PIEZO2: variants seen among roughly 807,000 people sequenced by gnomAD.
PIEZO2 encodes the protein piezo type mechanosensitive ion channel component 2, also known as piezo-type mechanosensitive ion channel component 2.
A neutral mutation model predicts 337.3 loss-of-function variants in PIEZO2; 172 were observed. The ratio of observed to expected loss-of-function variants is 0.51; its 90% CI spans 0.45 to 0.58. The LOEUF (loss-of-function observed/expected upper bound fraction) is 0.58. Among genes scored for constraint, PIEZO2 ranks in the 20% least tolerant of loss-of-function variants. The probability of loss-of-function intolerance (pLI) is 0.00; values close to 1 mark genes in which losing one functional copy is unlikely to be tolerated. For synonymous variants in PIEZO2, 1,251 were observed against 1,228.5 expected (o/e 1.02, Z -0.38); for missense variants, 3,028 against 3,391.3 (o/e 0.89, Z 2.66).
At chr18:10,971,314 T>C (rs1256457904) in intron 3 of PIEZO2, among the ~76,000 whole-genome samples, 1 of 152,238 alleles carries the variant, frequency 6.6e-6, no homozygotes, top group Non-Finnish European at 1.5e-5. Flanking sequence ...AGTAAATTTC[T>C]GAACACCAAG....
rs887191747 is a variant in PIEZO2 at position 11,146,977 on chromosome 18, T to G, written c.64+1548A>C. Among the ~76,000 whole-genome samples, 3 of 152,174 alleles carry G rather than the reference T, an allele frequency of 2.0e-5. No homozygotes were observed. The highest frequency in any genetic ancestry group is 6.5e-5 in the Admixed American group (1 of 15,280). ...TGCACTGAGGACCATAAATCACGCT[T>G]CATGCTAAAAGCCCTTTGTTAACTC... On this transcript the variant is annotated intron_variant, in intron 1 of 55. Transcript: ENST00000674853. This position sits in a 1 kb window ranked among gnomAD's most constrained non-coding sequence, Gnocchi z 6.1.
chr18:11,054,950 G>A (rs1359138209), intron 2 of PIEZO2, among the ~76,000 whole-genome samples: 4 of 152,258 alleles, frequency 2.6e-5, no homozygotes, highest in South Asian at 2.1e-4. Flanking sequence ...GGTGGCTCAC[G>A]CCTGTAATCC....
intron 1 of PIEZO2, among the ~76,000 whole-genome samples, chr18:11,133,207 A>ATAAGATTTACTGACTTCATATCAGCAT (rs2040387419): frequency 6.6e-6 from 1 of 152,180 alleles, no homozygotes; most frequent in Non-Finnish European, 1.5e-5. Flanking sequence ...ATCATGTGAC[A>ATAAGATTTACTGACTTCATATCAGCAT]TAAGATTTAC....
chr18:10,927,383 A>C (rs898115846), intron 3 of PIEZO2, among the ~76,000 whole-genome samples: 1 of 152,136 alleles, frequency 6.6e-6, no homozygotes, highest in Admixed American at 6.5e-5. Flanking sequence ...GGTCTGTTTA[A>C]AGGAGACAGG....
At chr18:11,055,210 CAAAAAAA>C (rs11390110) in intron 2 of PIEZO2, among the ~76,000 whole-genome samples, 492 of 79,834 alleles carry the variant, frequency 6.2e-3, no homozygotes, top group Middle Eastern at 0.016. Flanking sequence ...GACTCTGTCT[CAAAAAAA>C]AAAAAAAAAA....
Position 11,047,255 on chromosome 18 carries a change from A to G in PIEZO2, c.160+18872T>C, listed in dbSNP as rs1262265430. On this transcript the variant is annotated intron_variant, in intron 2 of 55. Transcript: ENST00000674853. The surrounding 1 kb of genome is among the most constrained non-coding windows in gnomAD (Gnocchi z 7.2). ...GTCCGAGCTGTTGGATGGTCAGCTA[A>G]GGTTGTGGATACAGACACAGTGGTG... is the stretch of plus-strand genomic sequence containing the variant. Among the ~76,000 whole-genome samples the G allele has an allele frequency of 6.6e-6, 1 of 152,186 alleles. No individual in the cohort carries two copies.
intron 7 of PIEZO2, among the ~76,000 whole-genome samples, chr18:10,814,044 G>A (rs375929985): frequency 6.6e-6 from 1 of 150,674 alleles, no homozygotes; most frequent in African/African-American, 2.4e-5. Flanking sequence ...CTCGGCTCTC[G>A]GCAAGCTCCA....
At position 10,691,398 on chromosome 18, in the gene PIEZO2, T is replaced by C; in HGVS notation, c.7191-15A>G. 1 of 1,609,268 alleles carries C rather than the reference T, an allele frequency of 6.2e-7. No individual in the cohort carries two copies. Among genetic ancestry groups the C allele is most frequent in the Non-Finnish European group, 8.5e-7 (1 of 1,177,230 alleles). On this transcript the variant is annotated splice_polypyrimidine_tract_variant and intron_variant, in intron 47 of 55. Coordinates refer to ENST00000674853, the MANE Select transcript of PIEZO2 (RefSeq NM_001378183.1). ...GGCTGAATTTCCTAAAATGTAAAAG[T>C]ACAGAAAGTGAAGCAATGAAATACT... is the stretch of plus-strand genomic sequence containing the variant.
Position 10,813,529 on chromosome 18 carries a change from C to T in PIEZO2, c.918-6255G>A, listed in dbSNP as rs2040263461. ...TGTCTTTTGTGACTGTCTTATTTTA[C>T]GTAGCATGATGGCCTCAAGGTTCAT... On this transcript the variant is annotated intron_variant, in intron 7 of 55. Coordinates refer to ENST00000674853, the MANE Select transcript of PIEZO2 (RefSeq NM_001378183.1). The surrounding 1 kb of genome is among the most constrained non-coding windows in gnomAD (Gnocchi z 4.2). Among the ~76,000 whole-genome samples, 2 of 152,194 alleles carry T rather than the reference C, an allele frequency of 1.3e-5. No homozygotes were observed. The highest frequency in any genetic ancestry group is 1.9e-4 in the East Asian group (1 of 5,172).
chr18:11,068,504 C>G (rs1030680556), intron 1 of PIEZO2, among the ~76,000 whole-genome samples: 1 of 151,940 alleles, frequency 6.6e-6, no homozygotes, highest in Non-Finnish European at 1.5e-5. Flanking sequence ...ATTGGACACA[C>G]AAGATACCAA....
intron 7 of PIEZO2, among the ~76,000 whole-genome samples, chr18:10,809,260 CTTTTTTT>C (rs869210659): frequency 7.0e-4 from 46 of 65,816 alleles, no homozygotes; most frequent in Non-Finnish European, 9.8e-4. Flanking sequence ...CTCTCTCTCT[CTTTTTTT>C]TTTTTTTTTT....
chr18:10,763,039 C>T lies in PIEZO2; in HGVS notation c.3006G>A (p.Lys1002=), dbSNP rs1422598879. The change falls in exon 22 of 56, where the codon AAG becomes AAA. Residue 1002 remains lysine, a synonymous_variant. Transcript: ENST00000674853. The part of the protein sequence containing the change: ...ISWAFALPYA[K]LRRLASSVCT... ...AGACACTTGAAGCCAGACGGCGCAGCTTGGCGTACGGCAGAGCAAAAGCCC... is the reference window on the plus strand; with the variant it reads ...AGACACTTGAAGCCAGACGGCGCAGTTTGGCGTACGGCAGAGCAAAAGCCC... 6.5e-7 allele frequency: 1 copy of T among 1,537,236 alleles called. No homozygotes were observed. The highest frequency in any genetic ancestry group is 1.4e-5 in the African/African-American group (1 of 73,064).
intron 41 of PIEZO2, among the ~76,000 whole-genome samples, chr18:10,704,900 A>G (rs2035508651): frequency 6.6e-6 from 1 of 152,186 alleles, no homozygotes; most frequent in South Asian, 2.1e-4. Flanking sequence ...CATGTTGGTC[A>G]GGCTGGTCTT....
At chr18:11,135,053 A>T (rs183147344) in intron 1 of PIEZO2, among the ~76,000 whole-genome samples, 2,140 of 115,132 alleles carry the variant, frequency 0.019, 37 homozygotes, top group African/African-American at 0.048. Context: ...AAAAAAAAAA[A>T]TTTTTTTTCT....
chr18:10,849,514 C>T (rs79274356), intron 7 of PIEZO2, among the ~76,000 whole-genome samples: 4,873 of 152,282 alleles, frequency 0.032, 185 homozygotes, highest in East Asian at 0.094. Context: ...CTCCCGCCCC[C>T]GGCTCCTTTG....
chr18:10,983,268 T>C (rs942253100), intron 2 of PIEZO2, among the ~76,000 whole-genome samples: 9 of 152,132 alleles, frequency 5.9e-5, no homozygotes, highest in African/African-American at 2.2e-4. Context: ...GACATGAATA[T>C]TTTTGTGGGA....
In PIEZO2 at chr18:10,860,964, G is replaced by A. The variant is rs552974625; in HGVS notation, c.493-3753C>T. Reference sequence around the variant, plus strand: ...TGGAAATACTTTTTAAATTTGCCAAGCTGAGAGCCAAGAGCGAGACGGGTT... The same window carrying A: ...TGGAAATACTTTTTAAATTTGCCAAACTGAGAGCCAAGAGCGAGACGGGTT... On this transcript the variant is annotated intron_variant, in intron 5 of 55. Transcript: ENST00000674853. Among the ~76,000 whole-genome samples, 4 of 152,302 alleles carry A rather than the reference G, an allele frequency of 2.6e-5. No individual in the cohort carries two copies. In the South Asian group the frequency reaches 8.3e-4, roughly 32 times the overall value.
At chr18:10,769,987 G>T in intron 21 of PIEZO2, 161 bp downstream of exon 21, 1 of 728,344 alleles carries the variant, frequency 1.4e-6, no homozygotes, top group Non-Finnish European at 2.1e-6. Flanking sequence ...TCTCAGTGCT[G>T]CTGACCCTCG....
intron 1 of PIEZO2, among the ~76,000 whole-genome samples, chr18:11,082,824 C>T (rs931813951): frequency 2.0e-5 from 3 of 152,130 alleles, no homozygotes; most frequent in African/African-American, 7.2e-5. Flanking sequence ...CCAATATTCT[C>T]GGTTTTCTTT....
Sources: allele counts gnomAD v4.1 joint callset (sites outside exome capture counted in the v4.1 genomes callset), GRCh38; gene constraint gnomAD v4.1.1; non-coding constraint Gnocchi (gnomAD v3.1); transcripts MANE v1.5; gene names NCBI Gene and HGNC (gene_info 2026-07-23, HGNC 2026-07-21).